ARPC2: variants seen among roughly 807,000 people sequenced by gnomAD.
ARPC2 encodes the protein actin related protein 2/3 complex subunit 2, also known as actin-related protein 2/3 complex subunit 2.
A neutral mutation model predicts 38.6 loss-of-function variants in ARPC2; 4 were observed. The observed-to-expected ratio is 0.10, with a 90% CI of 0.05 to 0.24. ARPC2 has a LOEUF of 0.24. ARPC2 is among the 10% of genes least tolerant of loss of function. The probability of loss-of-function intolerance (pLI) is 1.00; values close to 1 mark genes in which losing one functional copy is unlikely to be tolerated. For missense variants in ARPC2, 229 were observed against 387.3 expected (o/e 0.59, Z 3.43); for synonymous variants, 125 against 140.8 (o/e 0.89, Z 0.79).
At chr2:218,234,664 G>GC in intron 5 of ARPC2, 1 of 510,306 alleles carries the variant, frequency 2.0e-6, no homozygotes, top group South Asian at 2.0e-5. Context: ...TAATCTTTCA[G>GC]CCAGAGGGCC....
intron 5 of ARPC2, chr2:218,234,735 C>A: frequency 2.2e-6 from 1 of 462,994 alleles, no homozygotes; most frequent in Non-Finnish European, 4.2e-6. Flanking sequence ...CATTGATTCC[C>A]ACCCTCGGCC....
At chr2:218,226,057 G>A (rs1013643590) in intron 3 of ARPC2, 103 bp downstream of exon 3, 19 of 1,174,848 alleles carry the variant, frequency 1.6e-5, no homozygotes, top group Non-Finnish European at 2.3e-5. Flanking sequence ...CACTTTGGGA[G>A]TCCGAGGCAG....
chr2:218,228,230 C>G (rs1689550185), intron 3 of ARPC2, among the ~76,000 whole-genome samples: 1 of 151,936 alleles, frequency 6.6e-6, no homozygotes, highest in Non-Finnish European at 1.5e-5. Context: ...CAGTGAAACC[C>G]CGTCTGTACT....
chr2:218,249,282 A>G, intron 8 of ARPC2, 82 bp from the exon 9 acceptor site: 1 of 894,252 alleles, frequency 1.1e-6, no homozygotes, highest in Admixed American at 2.3e-5. Flanking sequence ...AGAGGGAGTG[A>G]TGTTCACTAG....
intron 2 of ARPC2, among the ~76,000 whole-genome samples, chr2:218,222,113 A>G (rs1689395849): frequency 6.6e-6 from 1 of 152,152 alleles, no homozygotes; most frequent in African/African-American, 2.4e-5. Context: ...CTAAAAATAC[A>G]AAAATTAGCC....
intron 1 of ARPC2, 50 bp from the exon 2 acceptor site, chr2:218,217,413 C>T (rs1689276264): frequency 1.3e-6 from 2 of 1,586,274 alleles, no homozygotes; most frequent in Admixed American, 1.7e-5. Flanking sequence ...CCGTCCTTGC[C>T]TCCCTTACCC....
intron 4 of ARPC2, 184 bp downstream of exon 4, chr2:218,229,034 G>T: frequency 2.2e-6 from 1 of 464,572 alleles, no homozygotes; most frequent in Non-Finnish European, 3.9e-6. Flanking sequence ...ACTCTTGCTT[G>T]CTTGCTTTAA....
chr2:218,225,515 CATTATA>C (rs1316251640), intron 2 of ARPC2, among the ~76,000 whole-genome samples: 3 of 152,218 alleles, frequency 2.0e-5, no homozygotes, highest in African/African-American at 4.8e-5. Flanking sequence ...AACCATTCTA[CATTATA>C]CTTAGCCATT....
intron 7 of ARPC2, 179 bp downstream of exon 7, chr2:218,239,663 G>A (rs192303702): frequency 3.3e-5 from 18 of 549,090 alleles, no homozygotes; most frequent in African/African-American, 1.7e-4. Context: ...GAGTGATCTC[G>A]GCTCACTGCA....
intron 3 of ARPC2, chr2:218,226,951 C>A: frequency 2.2e-6 from 1 of 455,592 alleles, no homozygotes; most frequent in South Asian, 1.6e-5. Flanking sequence ...TTGCTGCTTT[C>A]TGTTCCCTAT....
chr2:218,240,504 G>A (rs1007625002), intron 7 of ARPC2, among the ~76,000 whole-genome samples: 14 of 152,106 alleles, frequency 9.2e-5, no homozygotes, highest in Admixed American at 3.3e-4. Context: ...AGTAGATAAC[G>A]CATGAACAGG....
intron 10 of ARPC2, among the ~76,000 whole-genome samples, chr2:218,251,716 G>A (rs1690196366): frequency 6.6e-6 from 1 of 152,112 alleles, no homozygotes; most frequent in African/African-American, 2.4e-5. Flanking sequence ...GCCTCCCAAA[G>A]TGTTGGGATA....
chr2:218,243,100 A>AT (rs1177739559), intron 7 of ARPC2, among the ~76,000 whole-genome samples: 3 of 152,060 alleles, frequency 2.0e-5, no homozygotes, highest in East Asian at 1.9e-4. Context: ...TTTATACATG[A>AT]TTTTTTCTTA....
chr2:218,253,791 T>C, intron 10 of ARPC2, 100 bp from the exon 11 acceptor site: 1 of 1,415,648 alleles, frequency 7.1e-7, no homozygotes, highest in Non-Finnish European at 9.6e-7. Context: ...TTTCCACCTC[T>C]CATTTGGTGT....
chr2:218,253,525 T>G (rs984089388), intron 10 of ARPC2, among the ~76,000 whole-genome samples: 1 of 152,202 alleles, frequency 6.6e-6, no homozygotes, highest in African/African-American at 2.4e-5. Context: ...TAGGAGGAGC[T>G]GACAAATGAG....
intron 7 of ARPC2, 53 bp from the exon 8 acceptor site, chr2:218,245,367 C>A: frequency 6.2e-7 from 1 of 1,610,764 alleles, no homozygotes; most frequent in Non-Finnish European, 8.5e-7. Flanking sequence ...GCTTGAGTTG[C>A]CACTCATCTT....
chr2:218,234,628 C>T (rs1689724346), intron 5 of ARPC2: 1 of 550,038 alleles, frequency 1.8e-6, no homozygotes, highest in Admixed American at 3.2e-5. Flanking sequence ...TTAACATTTA[C>T]TTGATGGGGC....
intron 4 of ARPC2, chr2:218,233,949 A>G (rs6742439): frequency 0.94 from 146,221 of 156,054 alleles, 69,160 homozygotes; most frequent in East Asian, 1. Flanking sequence ...TGGATCATCC[A>G]AGGTCAGTAG....
intron 7 of ARPC2, among the ~76,000 whole-genome samples, chr2:218,243,442 AG>A (rs1689961781): frequency 6.6e-6 from 1 of 152,198 alleles, no homozygotes; most frequent in Non-Finnish European, 1.5e-5. Flanking sequence ...AGCTTTATTT[AG>A]GAGAGAGAAC....
Sources: allele counts gnomAD v4.1 joint callset (sites outside exome capture counted in the v4.1 genomes callset), GRCh38; gene constraint gnomAD v4.1.1; transcripts MANE v1.5; gene names NCBI Gene and HGNC (gene_info 2026-07-23, HGNC 2026-07-21).